Variants in LPCAT1 observed in about 807,000 individuals in gnomAD.
LPCAT1 encodes lysophosphatidylcholine acyltransferase 1, also known as 1-acylglycerol-3-phosphate O-acyltransferase.
Under a neutral mutation model 60.9 loss-of-function variants are expected in LPCAT1, and 23 were observed. The ratio of observed to expected loss-of-function variants is 0.38; its 90% CI spans 0.27 to 0.53. LPCAT1 has a LOEUF of 0.53. LPCAT1 is among the 20% of genes least tolerant of loss of function. LPCAT1 has a pLI of 0.82. For missense variants in LPCAT1, 622 were observed against 723.6 expected, an observed-to-expected ratio of 0.86 and a Z score of 1.61; for synonymous variants, 340 against 301.1, an observed-to-expected ratio of 1.13 and a Z score of -1.34.
intron 2 of LPCAT1, among the ~76,000 whole-genome samples, chr5:1,497,918 G>A (rs773731008): frequency 1.3e-5 from 2 of 152,236 alleles, no homozygotes; most frequent in African/African-American, 2.4e-5. Context: ...GACTTGGCCC[G>A]TGGTCAAGGA....
intron 10 of LPCAT1, 60 bp from the exon 11 acceptor site, chr5:1,474,170 G>T: frequency 6.5e-7 from 1 of 1,534,098 alleles, no homozygotes; most frequent in Non-Finnish European, 9.0e-7. Flanking sequence ...GCTAACACCA[G>T]ATTTACTTCT....
chr5:1,482,308 G>A (rs912465876), intron 6 of LPCAT1, among the ~76,000 whole-genome samples: 1 of 148,778 alleles, frequency 6.7e-6, no homozygotes, highest in African/African-American at 2.5e-5. Context: ...GGGGAGGGCC[G>A]ATGGAACCGG....
rs1399581640 is a variant in LPCAT1 at position 1,487,811 on chromosome 5, C to G, written c.667+580G>C. Reference sequence around the variant, plus strand: ...TGTGCAGAATTCCAAACAGACTCAGCGCAAAAAGAACAGTGGACTCTGCTG... The same window carrying G: ...TGTGCAGAATTCCAAACAGACTCAGGGCAAAAAGAACAGTGGACTCTGCTG... On this transcript the variant is annotated intron_variant, in intron 5 of 13. Transcript: ENST00000283415. This position sits in a 1 kb window ranked among gnomAD's most constrained non-coding sequence, Gnocchi z 6.1. Among the ~76,000 whole-genome samples, 2 of 152,174 alleles carry G rather than the reference C, an allele frequency of 1.3e-5. No homozygotes were observed. Among genetic ancestry groups the G allele is most frequent in the Admixed American group, 6.5e-5 (1 of 15,274 alleles).
intron 1 of LPCAT1, among the ~76,000 whole-genome samples, chr5:1,519,534 T>C (rs73033833): frequency 0.023 from 3,534 of 152,310 alleles, 134 homozygotes; most frequent in African/African-American, 0.078. Context: ...TCTCGATGAC[T>C]TTGAGAAAAA....
Position 1,480,869 on chromosome 5 carries a change from C to G in LPCAT1, c.761+73G>C, listed in dbSNP as rs1025952659. On this transcript the variant is annotated intron_variant, in intron 7 of 13. Transcript: ENST00000283415. The surrounding 1 kb of genome is among the most constrained non-coding windows in gnomAD (Gnocchi z 6.4). ...CAACTGCAAAAGTAACTAGCGTGCA[C>G]AGCAGACCCCAAGCAGCCCCTACGT... 3.2e-6 allele frequency: 5 copies of G among 1,567,566 alleles called. No individual in the cohort carries two copies. Among genetic ancestry groups the G allele is most frequent in the Non-Finnish European group, 3.5e-6 (4 of 1,138,360 alleles).
intron 1 of LPCAT1, among the ~76,000 whole-genome samples, chr5:1,514,036 G>A (rs1316901994): frequency 1.3e-5 from 2 of 152,244 alleles, no homozygotes; most frequent in African/African-American, 2.4e-5. Flanking sequence ...GTGCAGAAAC[G>A]GGCCCTGGAG....
chr5:1,471,078 C>T (rs2962064), intron 11 of LPCAT1, among the ~76,000 whole-genome samples, 154 bp from the exon 12 acceptor site: 3,660 of 152,310 alleles, frequency 0.024, 160 homozygotes, highest in African/African-American at 0.084. Flanking sequence ...GAAGGACATT[C>T]CACCAAGTGG....
chr5:1,465,053 G>C (rs1352814533), intron 13 of LPCAT1, among the ~76,000 whole-genome samples: 1 of 117,094 alleles, frequency 8.5e-6, no homozygotes, highest in Non-Finnish European at 1.8e-5. Flanking sequence ...ACATGCGCAC[G>C]CACAAGTGCA....
In LPCAT1 at chr5:1,480,429, C is replaced by G; in HGVS notation, c.761+513G>C. ...GCTCAGACGTCAGCACCCAGGAGGC[C>G]CTGACCAGCCTGTGGCCCCGGGCTT... is the stretch of plus-strand genomic sequence containing the variant. On this transcript the variant is annotated intron_variant, in intron 7 of 13. Coordinates refer to ENST00000283415, the MANE Select transcript of LPCAT1 (RefSeq NM_024830.5). The surrounding 1 kb of genome is among the most constrained non-coding windows in gnomAD (Gnocchi z 6.4). 1.1e-6 allele frequency: 1 copy of G among 949,038 alleles called. No homozygotes were observed. Among genetic ancestry groups the G allele is most frequent in the Non-Finnish European group, 1.3e-6 (1 of 796,754 alleles). The allele number at this position is 949,038 out of a possible 1,614,324, so 58.8% of individuals were successfully genotyped here.
At chr5:1,488,283 GATAAAAACAGAAACTGTTCTT>G in intron 5 of LPCAT1, 87 bp downstream of exon 5, 1 of 662,990 alleles carries the variant, frequency 1.5e-6, no homozygotes, top group South Asian at 2.2e-5. Context: ...CAGCACACAG[GATAAAAACAGAAACTGTTCTT>G]ATGTGCACAG....
rs988695163 is a variant in LPCAT1 at position 1,476,184 on chromosome 5, C to T, written c.899+1220G>A. Among the ~76,000 whole-genome samples the T allele has an allele frequency of 1.3e-5, 2 of 152,206 alleles. No individual in the cohort carries two copies. The highest frequency in any genetic ancestry group is 2.9e-5 in the Non-Finnish European group (2 of 68,046). ...CGCTGTAAAATCTGTTCTCTTCCTC[C>T]TAAGTCCCCAAAAGTAGCCAGTATT... On this transcript the variant is annotated intron_variant, in intron 9 of 13. Coordinates refer to ENST00000283415, the MANE Select transcript of LPCAT1 (RefSeq NM_024830.5). The surrounding 1 kb of genome is among the most constrained non-coding windows in gnomAD (Gnocchi z 8.6).
intron 1 of LPCAT1, among the ~76,000 whole-genome samples, chr5:1,514,232 C>T (rs1383209052): frequency 6.6e-6 from 1 of 152,212 alleles, no homozygotes; most frequent in Non-Finnish European, 1.5e-5. Flanking sequence ...GCACAAGGGG[C>T]CCGGCACAGG....
intron 2 of LPCAT1, among the ~76,000 whole-genome samples, chr5:1,497,736 C>T (rs1253233259): frequency 6.6e-6 from 1 of 152,220 alleles, no homozygotes; most frequent in Non-Finnish European, 1.5e-5. Context: ...TGCTCAAGTT[C>T]AAGCTCCAAC....
In LPCAT1 at chr5:1,494,862, C is replaced by T. The variant is rs776989506; in HGVS notation, c.331G>A (p.Gly111Ser). The T allele has an allele frequency of 3.1e-6, 5 of 1,613,132 alleles. No homozygotes were observed. In the South Asian group the frequency reaches 4.4e-5, roughly 14 times the overall value. ...CCCTTCACGGCCACCCGGTGGAAGC[C>T]GCCGGCGAACCACATGGTGCGCATG... ...AIMRTMWFAG[G>S]FHRVAVKGRQ... The change falls in exon 3 of 14, where the codon GGC becomes AGC. Residue 111 changes from glycine (G) to serine (S), a missense_variant. This residue lies in a region of LPCAT1 where 209 missense variants were observed against 325.5 expected (regional missense o/e 0.64). Transcript: ENST00000283415.
rs556185922 is a variant in LPCAT1, at chr5:1,495,018, A to T, written c.279-104T>A. ...GGGAGAGCCCTCCAGGGCGCAGTCC[A>T]GGCCACGGGCTTCCTGTGGTCGCCG... On this transcript the variant is annotated intron_variant, in intron 2 of 13. Transcript: ENST00000283415. This position sits in a 1 kb window ranked among gnomAD's most constrained non-coding sequence, Gnocchi z 4.7. 3.0e-5 allele frequency: 33 copies of T among 1,084,910 alleles called. No individual in the cohort carries two copies. The African/African-American group carries it at 4.6e-4, about 15-fold the overall frequency. 67.2% of individuals were successfully genotyped at this position (1,084,910 alleles called of 1,614,324 possible). A position where few individuals can be genotyped will look rare whatever the true frequency, so the allele number is the denominator to read the frequency against.
At position 1,481,893 on chromosome 5, in the gene LPCAT1, G is replaced by A. The variant is rs1579774744; in HGVS notation, c.727-917C>T. ...CCGTCAGCTCTCCGGGCAAAGTGAA[G>A]CCCGGCAGGCATCGGACGGGACAGG... is the stretch of plus-strand genomic sequence containing the variant. On this transcript the variant is annotated intron_variant, in intron 6 of 13. Coordinates refer to ENST00000283415, the MANE Select transcript of LPCAT1 (RefSeq NM_024830.5). This position sits in a 1 kb window ranked among gnomAD's most constrained non-coding sequence, Gnocchi z 7.8. Among the ~76,000 whole-genome samples, 1 of 152,374 alleles carries A rather than the reference G, an allele frequency of 6.6e-6. No individual in the cohort carries two copies. Among genetic ancestry groups the A allele is most frequent in the East Asian group, 1.9e-4 (1 of 5,180 alleles).
chr5:1,509,053 AGCCCACTTGTTG>A (rs1288961779), intron 1 of LPCAT1, among the ~76,000 whole-genome samples: 5 of 152,248 alleles, frequency 3.3e-5, no homozygotes, highest in African/African-American at 1.2e-4. Context: ...GGCCCCTCCG[AGCCCACTTGTTG>A]GAGATGTCAC....
chr5:1,484,240 T>C lies in LPCAT1; in HGVS notation c.668-754A>G, dbSNP rs1350247240. On this transcript the variant is annotated intron_variant, in intron 5 of 13. Coordinates refer to ENST00000283415, the MANE Select transcript of LPCAT1 (RefSeq NM_024830.5). ...CCACAGGCCGCAGAGGCTCAGGAAC[T>C]TCCCCGTTCCCACTGGAATTGTGGC... Among the ~76,000 whole-genome samples, 3 of 152,232 alleles carry C rather than the reference T, an allele frequency of 2.0e-5. No homozygotes were observed. The East Asian group carries it at 5.8e-4, about 29-fold the overall frequency.
intron 1 of LPCAT1, among the ~76,000 whole-genome samples, chr5:1,517,016 T>C (rs1001263708): frequency 6.6e-6 from 1 of 152,242 alleles, no homozygotes; most frequent in Non-Finnish European, 1.5e-5. Flanking sequence ...TGACGTGGGT[T>C]TCACAGGGAC....
Sources: gnomAD v4.1 joint callset for allele counts (sites outside exome capture counted in the v4.1 genomes callset) on GRCh38, gnomAD v4.1.1 for gene constraint, gnomAD v4.1.1 regional missense constraint, Gnocchi (gnomAD v3.1) non-coding constraint, MANE v1.5 for transcripts, NCBI Gene and HGNC (gene_info 2026-07-23, HGNC 2026-07-21) for gene names.